Variants in GANC observed in about 807,000 individuals in gnomAD.
GANC encodes the protein neutral alpha-glucosidase C.
In GANC, 117 loss-of-function variants were observed where a neutral mutation model predicts 124.2. The ratio of observed to expected loss-of-function variants is 0.94; its 90% confidence interval spans 0.81 to 1.10. The LOEUF (loss-of-function observed/expected upper bound fraction) is 1.10. Ranked by LOEUF, GANC falls within the 50% of genes least tolerant of loss-of-function variation. GANC has a pLI of 0.00. For missense variants in GANC, 1,140 were observed against 1,095.0 expected, an observed-to-expected ratio of 1.04 and a Z score of -0.58; for synonymous variants, 377 against 376.8, an observed-to-expected ratio of 1.00 and a Z score of -0.01.
Position 42,338,393 on chromosome 15 carries a change from C to G in GANC, c.1746C>G (p.Ala582=), listed in dbSNP as rs183259616. 6 of 1,611,996 alleles carry G rather than the reference C, an allele frequency of 3.7e-6. No homozygotes were observed. In the Admixed American group the frequency reaches 8.3e-5, roughly 22 times the overall value. The change falls in exon 16 of 24, where the codon GCC becomes GCG. Residue 582 remains alanine, a synonymous_variant. Transcript: ENST00000318010. The part of the protein sequence containing the change: ...SFFAGSQKYG[A]VWTGDNTAEW... ...CATTGTTGCTGGTGACCAAAGGTGCCGTGTGGACAGGCGACAACACAGCAG... is the reference window on the plus strand; with the variant it reads ...CATTGTTGCTGGTGACCAAAGGTGCGGTGTGGACAGGCGACAACACAGCAG...
At chr15:42,327,800 C>T (rs974179350) in intron 13 of GANC, among the ~76,000 whole-genome samples, 1 of 152,034 alleles carries the variant, frequency 6.6e-6, no homozygotes, top group Non-Finnish European at 1.5e-5. Flanking sequence ...TATCTTACAA[C>T]GTATTTGTCA....
chr15:42,334,130 C>A (rs1438775233), intron 15 of GANC, among the ~76,000 whole-genome samples: 1 of 151,014 alleles, frequency 6.6e-6, no homozygotes, highest in Admixed American at 6.6e-5. Flanking sequence ...GCTAAAAATA[C>A]AACCTAACTT....
Position 42,339,834 on chromosome 15 carries a change from T to TC in GANC, c.2010dup (p.Arg671GlnfsTer34). 6.2e-7 allele frequency: 1 copy of TC among 1,614,100 alleles called. No homozygotes were observed. ...CACACCCGACTCATCCGAGAAGCCATCAGAGAGCGCTATGGCCTCCTGCCA... is the reference window on the plus strand; with the variant it reads ...CACACCCGACTCATCCGAGAAGCCATCCAGAGAGCGCTATGGCCTCCTGCCA... On this transcript the variant is annotated frameshift_variant, in exon 17 of 24. Coordinates refer to ENST00000318010, the MANE Select transcript of GANC (RefSeq NM_198141.3). LOFTEE classifies it high-confidence loss of function.
In GANC at chr15:42,343,036, T is replaced by C. The variant is rs746331390; in HGVS notation, c.2153-42T>C. On this transcript the variant is annotated intron_variant, in intron 18 of 23. Coordinates refer to ENST00000318010, the MANE Select transcript of GANC (RefSeq NM_198141.3). The stretch of plus-strand genomic sequence containing the variant: ...TAAAGAGAAAGGAGATTTTTAGACC[T>C]CTTATAATGATACTCAACTTTATTT... 7 of 1,533,182 alleles carry C rather than the reference T, an allele frequency of 4.6e-6. No individual in the cohort carries two copies. The East Asian group carries it at 1.6e-4, about 35-fold the overall frequency. 95.0% of individuals were successfully genotyped at this position (1,533,182 alleles called of 1,614,324 possible). A position where few individuals can be genotyped will look rare whatever the true frequency, so the allele number is the denominator to read the frequency against.
chr15:42,342,715 C>G (rs2052336418), intron 18 of GANC, among the ~76,000 whole-genome samples: 1 of 152,246 alleles, frequency 6.6e-6, no homozygotes, highest in African/African-American at 2.4e-5. Flanking sequence ...TTCAGCTTCA[C>G]TGACAGCAAA....
intron 15 of GANC, among the ~76,000 whole-genome samples, chr15:42,335,999 T>TC (rs946657910): frequency 1.4e-4 from 21 of 152,036 alleles, no homozygotes; most frequent in Admixed American, 1.2e-3. Flanking sequence ...CATTCCATGC[T>TC]CATGGATAGG....
intron 15 of GANC, among the ~76,000 whole-genome samples, chr15:42,336,754 C>T (rs1566960382): frequency 6.6e-6 from 1 of 152,228 alleles, no homozygotes; most frequent in Non-Finnish European, 1.5e-5. Context: ...GTCTAATATC[C>T]AGCATCTATA....
intron 10 of GANC, among the ~76,000 whole-genome samples, chr15:42,319,079 C>T (rs998422188): frequency 6.6e-6 from 1 of 151,880 alleles, no homozygotes; most frequent in Non-Finnish European, 1.5e-5. Flanking sequence ...AGTTTTTGAG[C>T]AATTTTCTCA....
At position 42,329,319 on chromosome 15, in the gene GANC, T is replaced by C; in HGVS notation, c.1514T>C (p.Ile505Thr). ...TTTACTTCCTAGGGATCTACGGACA[T>C]CCTCTTCCTTTGGAATGACATGAAT... ...AFPVYQGSTD[I>T]LFLWNDMNEP... is the part of the protein sequence containing the mutation. The change falls in exon 14 of 24, where the codon ATC becomes ACC. Residue 505 changes from isoleucine (I) to threonine (T), a missense_variant. Ile to Thr is a moderately conservative substitution (Grantham distance 89, BLOSUM62 -1). Coordinates refer to ENST00000318010, the MANE Select transcript of GANC (RefSeq NM_198141.3). 1.2e-6 allele frequency: 2 copies of C among 1,613,710 alleles called. No homozygotes were observed. Among genetic ancestry groups the C allele is most frequent in the Non-Finnish European group, 1.7e-6 (2 of 1,179,782 alleles).
In GANC at chr15:42,321,778, C is replaced by G. The variant is rs1410255716; in HGVS notation, c.1058-7C>G. 1 of 1,613,298 alleles carries G rather than the reference C, an allele frequency of 6.2e-7. No individual in the cohort carries two copies. The highest frequency in any genetic ancestry group is 8.5e-7 in the Non-Finnish European group (1 of 1,179,342). On this transcript the variant is annotated splice_polypyrimidine_tract_variant and splice_region_variant and intron_variant, in intron 10 of 23. Transcript: ENST00000318010. ...CAGTTGACTCAGTTGTCATCTCCCT[C>G]TTTTAGGCACACAAGCCATGCCCCC...
intron 10 of GANC, among the ~76,000 whole-genome samples, chr15:42,318,654 A>T (rs983764649): frequency 1.3e-5 from 2 of 152,132 alleles, no homozygotes; most frequent in Non-Finnish European, 2.9e-5. Context: ...TGGTGTGATC[A>T]TGGTTCACTG....
intron 1 of GANC, among the ~76,000 whole-genome samples, chr15:42,275,661 A>G (rs2051663935): frequency 6.6e-6 from 1 of 152,120 alleles, no homozygotes; most frequent in African/African-American, 2.4e-5. Flanking sequence ...ACTTCAATAT[A>G]CATATATCTC....
chr15:42,349,491 A>G lies in GANC; in HGVS notation c.2527A>G (p.Asn843Asp), dbSNP rs1272781906. The G allele has an allele frequency of 6.4e-7, 1 of 1,568,760 alleles. No homozygotes were observed. Among genetic ancestry groups the G allele is most frequent in the East Asian group, 2.2e-5 (1 of 44,612 alleles). The change falls in exon 22 of 24, where the codon AAT becomes GAT. Residue 843 changes from asparagine to aspartate, a missense_variant. Transcript: ENST00000318010. Reference sequence around the variant, plus strand: ...TTCATTCTGTTCCAGTGTTCTGATCAATAGGTAATGGCAGCTAAAGAAACT... The same window carrying G: ...TTCATTCTGTTCCAGTGTTCTGATCGATAGGTAATGGCAGCTAAAGAAACT... ...KFSFCSSVLI[N>D]SFADQRGHYP...
chr15:42,274,408 A>G lies in GANC; in HGVS notation c.-74A>G. 1 of 1,506,112 alleles carries G rather than the reference A, an allele frequency of 6.6e-7. No homozygotes were observed. The highest frequency in any genetic ancestry group is 9.1e-7 in the Non-Finnish European group (1 of 1,101,124). The allele number at this position is 1,506,112 out of a possible 1,614,324, so 93.3% of individuals were successfully genotyped here. A position where few individuals can be genotyped will look rare whatever the true frequency, so the allele number is the denominator to read the frequency against. On this transcript the variant is annotated 5_prime_UTR_variant, in exon 1 of 24. Coordinates refer to ENST00000318010, the MANE Select transcript of GANC (RefSeq NM_198141.3). ...TGGTTGTAATTTTAGAAAGACACCC[A>G]ATCGGCTTTTTTAAAAGATCGCCCA... is the stretch of plus-strand genomic sequence containing the variant.
At chr15:42,348,900 A>G (rs2052393350) in intron 21 of GANC, among the ~76,000 whole-genome samples, 1 of 152,204 alleles carries the variant, frequency 6.6e-6, no homozygotes, top group Non-Finnish European at 1.5e-5. Context: ...GACCCATGTG[A>G]GGCCCCAGAA....
intron 15 of GANC, among the ~76,000 whole-genome samples, chr15:42,335,003 A>C (rs534945363): frequency 6.6e-6 from 1 of 152,148 alleles, no homozygotes; most frequent in Non-Finnish European, 1.5e-5. Context: ...ATAGCCCAGG[A>C]CCAGACAGAT....
At chr15:42,338,571 T>G in intron 16 of GANC, 81 bp downstream of exon 16, 1 of 963,884 alleles carries the variant, frequency 1.0e-6, no homozygotes, top group Non-Finnish European at 1.7e-6. Flanking sequence ...ACAAATCCCT[T>G]CTCATTAGCT....
In GANC at chr15:42,345,841, T is replaced by C; in HGVS notation, c.2304+9T>C. 6.3e-7 allele frequency: 1 copy of C among 1,582,528 alleles called. No individual in the cohort carries two copies. Among genetic ancestry groups the C allele is most frequent in the Non-Finnish European group, 8.7e-7 (1 of 1,152,876 alleles). On this transcript the variant is annotated intron_variant, in intron 20 of 23. Transcript: ENST00000318010. Reference sequence around the variant, plus strand: ...CAGTAGCCTTGGACACTGTAAGTTATTTTCAGACTACTATTTTTACCTATC... The same window carrying C: ...CAGTAGCCTTGGACACTGTAAGTTACTTTCAGACTACTATTTTTACCTATC...
intron 3 of GANC, among the ~76,000 whole-genome samples, chr15:42,281,437 A>T (rs1300072055): frequency 1.1e-4 from 2 of 17,422 alleles, no homozygotes; most frequent in Non-Finnish European, 8.4e-4. Context: ...TAATCCCAGC[A>T]CTTTGGGAGG....
Sources: gnomAD v4.1 joint callset for allele counts (sites outside exome capture counted in the v4.1 genomes callset) on GRCh38, gnomAD v4.1.1 for gene constraint, MANE v1.5 for transcripts, NCBI Gene and HGNC (gene_info 2026-07-23, HGNC 2026-07-21) for gene names.